EIPR1: variants seen among roughly 807,000 people sequenced by gnomAD.
The protein encoded by EIPR1 is EARP and GARP complex-interacting protein 1.
EIPR1 carries 25 observed loss-of-function variants against 48.1 expected under a neutral mutation model. The observed-to-expected ratio is 0.52, with a 90% CI of 0.38 to 0.73. The LOEUF is 0.73. Ranked by LOEUF, EIPR1 falls within the 30% of genes least tolerant of loss-of-function variation. The pLI is 0.00. For missense variants in EIPR1, 415 were observed against 506.2 expected, an observed-to-expected ratio of 0.82 and a Z score of 1.73; for synonymous variants, 204 against 201.9, an observed-to-expected ratio of 1.01 and a Z score of -0.09.
At chr2:3,204,957 C>A (rs1012554921) in intron 5 of EIPR1, among the ~76,000 whole-genome samples, 1 of 152,214 alleles carries the variant, frequency 6.6e-6, no homozygotes, top group African/African-American at 2.4e-5. Context: ...GCAGGCCGCA[C>A]TCACAGCAGA....
intron 1 of EIPR1, among the ~76,000 whole-genome samples, chr2:3,368,900 T>A (rs954978530): frequency 4.6e-5 from 7 of 152,226 alleles, no homozygotes; most frequent in Admixed American, 2.0e-4. Flanking sequence ...TCCGTGTTGG[T>A]CTTTTATTTG....
chr2:3,210,699 G>A (rs1417485763), intron 5 of EIPR1, among the ~76,000 whole-genome samples: 1 of 148,750 alleles, frequency 6.7e-6, no homozygotes, highest in Non-Finnish European at 1.5e-5. Context: ...GCGTGATCTT[G>A]GCTCACTGCA....
At chr2:3,243,060 G>A (rs1183011259) in intron 4 of EIPR1, among the ~76,000 whole-genome samples, 1 of 152,186 alleles carries the variant, frequency 6.6e-6, no homozygotes, top group Non-Finnish European at 1.5e-5. Context: ...TGACAGGCAA[G>A]CATGGAAGTT....
At chr2:3,230,728 T>G (rs184908180) in intron 4 of EIPR1, among the ~76,000 whole-genome samples, 3 of 152,356 alleles carry the variant, frequency 2.0e-5, no homozygotes, top group Admixed American at 2.0e-4. Context: ...ATTTGTAATT[T>G]CATATTATCC....
intron 2 of EIPR1, among the ~76,000 whole-genome samples, chr2:3,340,442 T>C (rs530027243): frequency 6.6e-6 from 1 of 152,372 alleles, no homozygotes; most frequent in Admixed American, 6.5e-5. Context: ...ACATTCCCAG[T>C]GAACAGCTTC....
intron 3 of EIPR1, among the ~76,000 whole-genome samples, chr2:3,266,570 T>C (rs1027321668): frequency 6.6e-6 from 1 of 152,196 alleles, no homozygotes; most frequent in South Asian, 2.1e-4. Flanking sequence ...AACTCTCTTA[T>C]CCTCCAGGCA....
At position 3,221,148 on chromosome 2, in the gene EIPR1, A is replaced by G. The variant is rs62119022; in HGVS notation, c.417-6900T>C. ...CACAATGGCCGAGGTACACTCTAGA[A>G]CACTCACAGTGAGTCGGGAACACAC... is the stretch of plus-strand genomic sequence containing the variant. On this transcript the variant is annotated intron_variant, in intron 4 of 8. Transcript: ENST00000382125. 6.7e-4 allele frequency among the ~76,000 whole-genome samples: 4 copies of G among 6,008 alleles called. 1 individual carries two copies. The highest frequency in any genetic ancestry group is 1.4e-3 in the African/African-American group (4 of 2,894). 3.9% of individuals were successfully genotyped at this position (6,008 alleles called of 152,430 possible).
chr2:3,375,203 G>T (rs1435437005), intron 1 of EIPR1, among the ~76,000 whole-genome samples: 1 of 136,530 alleles, frequency 7.3e-6, no homozygotes, highest in Non-Finnish European at 1.5e-5. Context: ...ACACAGGAAG[G>T]GGAACATCAC....
chr2:3,257,525 G>T, intron 3 of EIPR1, 70 bp from the exon 4 acceptor site: 3 of 1,557,166 alleles, frequency 1.9e-6, no homozygotes, highest in East Asian at 4.5e-5. Context: ...GACAGCACAC[G>T]CACATTTACA....
At chr2:3,267,368 A>AGG (rs1177700865) in intron 3 of EIPR1, among the ~76,000 whole-genome samples, 1 of 152,226 alleles carries the variant, frequency 6.6e-6, no homozygotes. Flanking sequence ...AGCACCATGG[A>AGG]GGCTGTGAAA....
chr2:3,212,330 TCTC>T (rs910903909), intron 5 of EIPR1, among the ~76,000 whole-genome samples: 6 of 152,038 alleles, frequency 3.9e-5, no homozygotes, highest in African/African-American at 7.2e-5. Context: ...ACGTGTGGGG[TCTC>T]CTTTCTCCCC....
chr2:3,257,286 T>C lies in EIPR1; in HGVS notation c.416+13A>G. ...AGGCTCGTTCTGGGCGCATGAAATA[T>C]GCAAAATCCTACCAGGCCATGTTGC... On this transcript the variant is annotated intron_variant, in intron 4 of 8. Transcript: ENST00000382125. 1 of 1,610,988 alleles carries C rather than the reference T, an allele frequency of 6.2e-7. No homozygotes were observed. Among genetic ancestry groups the C allele is most frequent in the Non-Finnish European group, 8.5e-7 (1 of 1,177,654 alleles).
chr2:3,353,243 C>G (rs760466758), intron 2 of EIPR1: 7 of 471,192 alleles, frequency 1.5e-5, no homozygotes, highest in South Asian at 1.1e-4. Context: ...TCTTGGAACA[C>G]ATCCCCTGTG....
At chr2:3,323,134 G>C (rs1476281685) in intron 3 of EIPR1, among the ~76,000 whole-genome samples, 1 of 151,462 alleles carries the variant, frequency 6.6e-6, no homozygotes, top group Non-Finnish European at 1.5e-5. Flanking sequence ...CCTAGTCACT[G>C]AAGAGGATAA....
intron 4 of EIPR1, among the ~76,000 whole-genome samples, chr2:3,237,867 C>T (rs1002358048): frequency 2.2e-4 from 34 of 152,198 alleles, no homozygotes; most frequent in African/African-American, 7.5e-4. Context: ...GGCTGCTGTT[C>T]AATAAGCCCT....
At chr2:3,298,947 C>A (rs991358856) in intron 3 of EIPR1, among the ~76,000 whole-genome samples, 1 of 152,108 alleles carries the variant, frequency 6.6e-6, no homozygotes, top group African/African-American at 2.4e-5. Flanking sequence ...TTACCTACCC[C>A]GCTCCTGCTC....
chr2:3,262,678 C>T (rs535958197), intron 3 of EIPR1, among the ~76,000 whole-genome samples: 3 of 152,298 alleles, frequency 2.0e-5, no homozygotes, highest in South Asian at 2.1e-4. Flanking sequence ...GTGGAGAGCC[C>T]GGTTGGAGTC....
intron 1 of EIPR1, among the ~76,000 whole-genome samples, chr2:3,367,341 C>G (rs1558322981): frequency 6.6e-6 from 1 of 152,052 alleles, no homozygotes; most frequent in Non-Finnish European, 1.5e-5. Context: ...TGTAAGTTAC[C>G]AAAACTGATC....
At chr2:3,205,783 C>T (rs138638420) in intron 5 of EIPR1, among the ~76,000 whole-genome samples, 3 of 152,194 alleles carry the variant, frequency 2.0e-5, no homozygotes, top group East Asian at 1.9e-4. Flanking sequence ...GTTACTTAGT[C>T]TCTTTGAGGC....
Sources: gnomAD v4.1 joint callset for allele counts (sites outside exome capture counted in the v4.1 genomes callset) on GRCh38, gnomAD v4.1.1 for gene constraint, MANE v1.5 for transcripts, NCBI Gene and HGNC (gene_info 2026-07-23, HGNC 2026-07-21) for gene names.